ANAPC16: variants seen among roughly 807,000 people sequenced by gnomAD.
ANAPC16 encodes anaphase-promoting complex subunit 16.
In ANAPC16, 6 loss-of-function variants were observed where a neutral mutation model predicts 13.1. The observed-to-expected ratio is 0.46, with a 90% confidence interval of 0.25 to 0.90. The LOEUF (loss-of-function observed/expected upper bound fraction) is 0.90, where lower values mean the gene tolerates loss of function less well. Ranked by LOEUF, ANAPC16 falls within the 40% of genes least tolerant of loss-of-function variation. The pLI is 0.18. For synonymous variants in ANAPC16, 55 were observed against 51.3 expected (o/e 1.07, Z -0.31); for missense variants, 113 against 131.1 (o/e 0.86, Z 0.67).
At chr10:72,227,844 A>G (rs1860171143) in intron 2 of ANAPC16, among the ~76,000 whole-genome samples, 1 of 150,828 alleles carries the variant, frequency 6.6e-6, no homozygotes, top group South Asian at 2.1e-4. Context: ...CAGCCTGACC[A>G]ATATGGTGAA....
chr10:72,230,272 A>G (rs1860254424), intron 2 of ANAPC16, 94 bp from the exon 3 acceptor site: 1 of 918,422 alleles, frequency 1.1e-6, no homozygotes, highest in Non-Finnish European at 1.7e-6. Flanking sequence ...CCCTGAATGT[A>G]CAAGCAGGGA....
intron 1 of ANAPC16, among the ~76,000 whole-genome samples, chr10:72,217,613 A>C (rs1859579744): frequency 6.6e-6 from 1 of 152,058 alleles, no homozygotes; most frequent in African/African-American, 2.4e-5. Context: ...GTTTTTTCAT[A>C]GTAAGTATGA....
chr10:72,231,400 A>AGAAT lies in ANAPC16; in HGVS notation c.217+962_217+965dup, dbSNP rs57908755. ...AAAAAGAAAATACAAAAATTAGTGGAGAATGGTGGTGCATGCCTGTGGTCC... is the reference window on the plus strand; with the variant it reads ...AAAAAGAAAATACAAAAATTAGTGGAGAATGAATGGTGGTGCATGCCTGTGGTCC... On this transcript the variant is annotated intron_variant, in intron 3 of 3. Transcript: ENST00000299381. Among the ~76,000 whole-genome samples, 436 of 151,962 alleles carry AGAAT rather than the reference A, an allele frequency of 2.9e-3. 1 individual carries two copies. Among genetic ancestry groups the AGAAT allele is most frequent in the African/African-American group, 0.01 (420 of 41,424 alleles).
intron 1 of ANAPC16, among the ~76,000 whole-genome samples, chr10:72,219,453 C>T (rs1859814324): frequency 6.6e-6 from 1 of 152,154 alleles, no homozygotes; most frequent in Non-Finnish European, 1.5e-5. Context: ...TTGAAAATGT[C>T]AGCTGAGCAG....
At chr10:72,216,759 A>G (rs1051296719) in intron 1 of ANAPC16, 2 of 454,262 alleles carry the variant, frequency 4.4e-6, no homozygotes, top group Admixed American at 2.4e-5. Context: ...GGACACAGCA[A>G]TCTGTGTCCA....
In ANAPC16 at chr10:72,233,166, G is replaced by A. The variant is rs901991171; in HGVS notation, c.*50G>A. ...TGCGCAGCAAGTGCAAAGCCAGTGGGGGACTTTCTCACAGCTTACATAGCC... is the reference window on the plus strand; with the variant it reads ...TGCGCAGCAAGTGCAAAGCCAGTGGAGGACTTTCTCACAGCTTACATAGCC... On this transcript the variant is annotated 3_prime_UTR_variant, in exon 4 of 4. Transcript: ENST00000299381. 6.1e-6 allele frequency: 9 copies of A among 1,474,844 alleles called. No homozygotes were observed. The highest frequency in any genetic ancestry group is 1.7e-5 in the Admixed American group (1 of 58,640). The allele number at this position is 1,474,844 out of a possible 1,614,324, so 91.4% of individuals were successfully genotyped here.
Position 72,224,167 on chromosome 10 carries a change from A to G in ANAPC16, c.142+111A>G, listed in dbSNP as rs1022640012. The G allele has an allele frequency of 5.1e-6, 6 of 1,179,840 alleles. No individual in the cohort carries two copies. The African/African-American group carries it at 6.3e-5, about 12-fold the overall frequency. 73.1% of individuals were successfully genotyped at this position (1,179,840 alleles called of 1,614,324 possible). A position where few individuals can be genotyped will look rare whatever the true frequency, so the allele number is the denominator to read the frequency against. ...GAGTTTGCCCTGATTTCAGCTCCAC[A>G]TTTCATTTCTTGTCCCCATCTCAAA... On this transcript the variant is annotated intron_variant, in intron 2 of 3. Coordinates refer to ENST00000299381, the MANE Select transcript of ANAPC16 (RefSeq NM_173473.4).
chr10:72,218,619 G>A (rs1859766797), intron 1 of ANAPC16, among the ~76,000 whole-genome samples: 1 of 152,140 alleles, frequency 6.6e-6, no homozygotes, highest in South Asian at 2.1e-4. Context: ...TTACTGAAGT[G>A]AACAACTACT....
chr10:72,233,311 A>T lies in ANAPC16; in HGVS notation c.*195A>T, dbSNP rs1034771912. The stretch of plus-strand genomic sequence containing the variant: ...TGATCTTTCAGGGAATGTTTTGTTT[A>T]TTTGTTTTTAAAAGTATTGGGAATC... On this transcript the variant is annotated 3_prime_UTR_variant, in exon 4 of 4. Transcript: ENST00000299381. 2 of 532,928 alleles carry T rather than the reference A, an allele frequency of 3.8e-6. No homozygotes were observed. Among genetic ancestry groups the T allele is most frequent in the Non-Finnish European group, 3.4e-6 (1 of 297,404 alleles). 33.0% of individuals were successfully genotyped at this position (532,928 alleles called of 1,614,324 possible). A position where few individuals can be genotyped will look rare whatever the true frequency, so the allele number is the denominator to read the frequency against.
rs988139750 is a variant in ANAPC16, at chr10:72,216,105, T to G, written c.-61T>G. The stretch of plus-strand genomic sequence containing the variant: ...CAGCCACTCAGGCTGGTCCTGGGGG[T>G]GGGGCTGTAGGGGAAAGTGCTAAAG... On this transcript the variant is annotated 5_prime_UTR_variant, in exon 1 of 4. Transcript: ENST00000299381. 1.5e-4 allele frequency: 23 copies of G among 151,876 alleles called. No homozygotes were observed. The highest frequency in any genetic ancestry group is 5.2e-4 in the Admixed American group (8 of 15,240). The allele number at this position is 151,876 out of a possible 1,614,324, so 9.4% of individuals were successfully genotyped here.
intron 1 of ANAPC16, chr10:72,216,716 G>T: frequency 2.4e-6 from 1 of 419,578 alleles, no homozygotes; most frequent in South Asian, 1.7e-5. Flanking sequence ...CATCCCTGCC[G>T]TACATGAAGT....
chr10:72,217,490 G>T (rs916463649), intron 1 of ANAPC16, among the ~76,000 whole-genome samples: 6 of 150,942 alleles, frequency 4.0e-5, no homozygotes, highest in African/African-American at 7.3e-5. Flanking sequence ...AAAAAAAAAG[G>T]AAAGTGTAAA....
At chr10:72,232,467 C>G (rs961633922) in intron 3 of ANAPC16, among the ~76,000 whole-genome samples, 1 of 150,562 alleles carries the variant, frequency 6.6e-6, no homozygotes, top group African/African-American at 2.4e-5. Context: ...TCACTTGAAC[C>G]CACGAGGCAG....
intron 2 of ANAPC16, among the ~76,000 whole-genome samples, chr10:72,226,543 C>T (rs1292301857): frequency 4.0e-5 from 6 of 151,580 alleles, no homozygotes; most frequent in Admixed American, 2.0e-4. Flanking sequence ...TGTGGTGGCA[C>T]GTGGCTGTAG....
chr10:72,227,563 C>A (rs1247436531), intron 2 of ANAPC16, among the ~76,000 whole-genome samples: 1 of 151,662 alleles, frequency 6.6e-6, no homozygotes, highest in African/African-American at 2.4e-5. Context: ...AGATGGCAAC[C>A]CCTAAACCCA....
intron 1 of ANAPC16, chr10:72,223,034 A>G (rs1484252745): frequency 6.7e-6 from 1 of 149,234 alleles, no homozygotes; most frequent in Non-Finnish European, 1.5e-5. Flanking sequence ...CAGTTTTGGG[A>G]TGCCACCAAG....
chr10:72,230,886 G>A (rs1860277280), intron 3 of ANAPC16, among the ~76,000 whole-genome samples: 1 of 151,984 alleles, frequency 6.6e-6, no homozygotes, highest in Non-Finnish European at 1.5e-5. Context: ...GACCCTGTCT[G>A]AAAAACAAAA....
intron 1 of ANAPC16, chr10:72,223,638 A>G (rs1387241825): frequency 3.6e-6 from 1 of 279,476 alleles, no homozygotes; most frequent in Admixed American, 5.0e-5. Flanking sequence ...CTTAGTTGAC[A>G]TAAACAGTTC....
rs896210277 is a variant in ANAPC16, at chr10:72,233,842, T to C, written c.*726T>C. On this transcript the variant is annotated 3_prime_UTR_variant, in exon 4 of 4. Transcript: ENST00000299381. ...AAAGAGCTCCAAATTGGTGGCATTA[T>C]CCTTTCAAAATCTCAGGGATTTGGG... 6.6e-6 allele frequency: 1 copy of C among 152,636 alleles called. No individual in the cohort carries two copies. The highest frequency in any genetic ancestry group is 1.5e-5 in the Non-Finnish European group (1 of 68,046). 9.5% of individuals were successfully genotyped at this position (152,636 alleles called of 1,614,324 possible). A position where few individuals can be genotyped will look rare whatever the true frequency, so the allele number is the denominator to read the frequency against.
Sources: allele counts gnomAD v4.1 joint callset (sites outside exome capture counted in the v4.1 genomes callset), GRCh38; gene constraint gnomAD v4.1.1; transcripts MANE v1.5; gene names NCBI Gene and HGNC (gene_info 2026-07-23, HGNC 2026-07-21).